FLT3: variants seen among roughly 807,000 people sequenced by gnomAD.
FLT3 encodes receptor-type tyrosine-protein kinase FLT3.
FLT3 carries 46 observed loss-of-function variants against 126.6 expected under a neutral mutation model. The ratio of observed to expected loss-of-function variants is 0.36; its 90% confidence interval spans 0.29 to 0.46. The LOEUF (loss-of-function observed/expected upper bound fraction) is 0.46, where lower values mean the gene tolerates loss of function less well. FLT3 is among the 20% of genes least tolerant of loss of function. FLT3 has a pLI of 1.00. For synonymous variants in FLT3, 404 were observed against 434.4 expected, an observed-to-expected ratio of 0.93 and a Z score of 0.87; for missense variants, 1,069 against 1,190.3, an observed-to-expected ratio of 0.90 and a Z score of 1.50.
intron 1 of FLT3, among the ~76,000 whole-genome samples, chr13:28,099,326 G>T (rs1383972516): frequency 6.6e-6 from 1 of 152,176 alleles, no homozygotes; most frequent in Admixed American, 6.5e-5. Flanking sequence ...TGAAATTACA[G>T]ATTTACTAAC....
intron 3 of FLT3, 71 bp from the exon 4 acceptor site, chr13:28,057,533 T>C: frequency 1.3e-6 from 1 of 792,282 alleles, no homozygotes; most frequent in South Asian, 1.4e-5. Context: ...TCATAGTGAC[T>C]AAAAAGGCAG....
At chr13:28,088,386 C>T (rs1430039379) in intron 1 of FLT3, among the ~76,000 whole-genome samples, 2 of 151,710 alleles carry the variant, frequency 1.3e-5, no homozygotes, top group South Asian at 2.1e-4. Flanking sequence ...CTCCCAGGTT[C>T]AGGTGATTCT....
In FLT3 at chr13:28,080,490, T is replaced by C. The variant is rs560931332; in HGVS notation, c.44-9878A>G. Among the ~76,000 whole-genome samples, 6 of 152,360 alleles carry C rather than the reference T, an allele frequency of 3.9e-5. No individual in the cohort carries two copies. In the East Asian group the frequency reaches 9.6e-4, roughly 24 times the overall value. On this transcript the variant is annotated intron_variant, in intron 1 of 23. Transcript: ENST00000241453. ...CAGCTATAGTCATCATGCTGTACAA[T>C]AGATATCCAGAACTTACCCTCCTAA...
At chr13:28,016,827 G>A (rs190523188) in intron 20 of FLT3, among the ~76,000 whole-genome samples, 24 of 152,320 alleles carry the variant, frequency 1.6e-4, no homozygotes, top group Non-Finnish European at 3.1e-4. Flanking sequence ...ATGATGAGTA[G>A]GAGTAGATCG....
chr13:28,073,490 C>T, intron 1 of FLT3: 1 of 276,756 alleles, frequency 3.6e-6, no homozygotes, highest in South Asian at 3.4e-5. Context: ...TTTCCTGCTC[C>T]ACTCTGTAAT....
At chr13:28,011,119 G>A (rs768669125) in intron 23 of FLT3, among the ~76,000 whole-genome samples, 2 of 151,668 alleles carry the variant, frequency 1.3e-5, no homozygotes, top group Non-Finnish European at 1.5e-5. Flanking sequence ...AGACCAGCCC[G>A]GACAATATGG....
rs1324501900 is a variant in FLT3, at chr13:28,052,339, GTCCA to G, written c.614+202_614+205del. On this transcript the variant is annotated intron_variant, in intron 5 of 23. Transcript: ENST00000241453. ...TCAAACTCCTGACCTCAAGTGATCT[GTCCA>G]CCTTGGCCTCCCGAAATGCTGGGAT... is the stretch of plus-strand genomic sequence containing the variant. 6.6e-3 allele frequency among the ~76,000 whole-genome samples: 1,006 copies of G among 151,798 alleles called. 14 individuals are homozygous for G. The highest frequency in any genetic ancestry group is 0.022 in the African/African-American group (924 of 41,190).
At chr13:28,076,649 T>C (rs1286954938) in intron 1 of FLT3, among the ~76,000 whole-genome samples, 1 of 152,110 alleles carries the variant, frequency 6.6e-6, no homozygotes, top group Non-Finnish European at 1.5e-5. Context: ...GAAGGCAGTG[T>C]TTGTAGCATG....
At chr13:28,023,091 G>T (rs954390008) in intron 19 of FLT3, among the ~76,000 whole-genome samples, 1 of 152,146 alleles carries the variant, frequency 6.6e-6, no homozygotes, top group Non-Finnish European at 1.5e-5. Flanking sequence ...TTCCTATCTC[G>T]ACCTTCAGCC....
intron 2 of FLT3, among the ~76,000 whole-genome samples, chr13:28,069,094 G>A (rs1433481219): frequency 3.3e-5 from 5 of 152,166 alleles, no homozygotes; most frequent in Non-Finnish European, 7.4e-5. Context: ...CTAAGTAATG[G>A]GAAATCATGG....
chr13:28,067,725 T>C (rs1877157787), intron 2 of FLT3: 1 of 159,048 alleles, frequency 6.3e-6, no homozygotes, highest in Non-Finnish European at 1.4e-5. Flanking sequence ...CTTACGTAAG[T>C]AAAACAGCTG....
At chr13:28,043,411 TG>T (rs1296673133) in intron 9 of FLT3, among the ~76,000 whole-genome samples, 2 of 152,058 alleles carry the variant, frequency 1.3e-5, no homozygotes, top group African/African-American at 2.4e-5. Context: ...ATTGGAGAAA[TG>T]AAGCCATGAA....
intron 19 of FLT3, among the ~76,000 whole-genome samples, chr13:28,020,760 C>T (rs919210663): frequency 6.6e-6 from 1 of 152,086 alleles, no homozygotes; most frequent in African/African-American, 2.4e-5. Flanking sequence ...GCATCTAGTA[C>T]AGTGCTTGGC....
chr13:28,059,466 T>G (rs1876341803), intron 3 of FLT3, among the ~76,000 whole-genome samples: 1 of 152,306 alleles, frequency 6.6e-6, no homozygotes, highest in South Asian at 2.1e-4. Context: ...GTTAGGACAT[T>G]ACCCACACAT....
intron 1 of FLT3, among the ~76,000 whole-genome samples, chr13:28,074,532 T>G (rs9513027): frequency 4.6e-5 from 7 of 152,036 alleles, no homozygotes; most frequent in African/African-American, 1.7e-4. Flanking sequence ...CCACTCGCAG[T>G]GTATGGAATT....
intron 23 of FLT3, among the ~76,000 whole-genome samples, chr13:28,010,680 G>A (rs1395162894): frequency 6.6e-6 from 1 of 152,098 alleles, no homozygotes; most frequent in Non-Finnish European, 1.5e-5. Flanking sequence ...GGTTCTCTGA[G>A]GGCCCTTTTC....
chr13:28,073,281 G>C (rs1428913281), intron 1 of FLT3: 1 of 257,074 alleles, frequency 3.9e-6, no homozygotes, highest in Non-Finnish European at 7.8e-6. Flanking sequence ...ATGGGATGTT[G>C]AGGCTGCAGT....
intron 17 of FLT3, chr13:28,025,333 A>G (rs1872710218): frequency 4.5e-5 from 20 of 444,366 alleles, no homozygotes; most frequent in South Asian, 3.4e-4. Flanking sequence ...CCCTCACATA[A>G]TACAGATCTT....
At chr13:28,018,309 G>T in intron 20 of FLT3, 158 bp downstream of exon 20, 1 of 717,336 alleles carries the variant, frequency 1.4e-6, no homozygotes, top group Non-Finnish European at 2.3e-6. Context: ...CCCTGAAGCT[G>T]CAGAAAAACC....
Sources: gnomAD v4.1 joint callset for allele counts (sites outside exome capture counted in the v4.1 genomes callset) on GRCh38, gnomAD v4.1.1 for gene constraint, MANE v1.5 for transcripts, NCBI Gene and HGNC (gene_info 2026-07-23, HGNC 2026-07-21) for gene names.